Variants in MELK observed in about 807,000 individuals in gnomAD.
The protein encoded by MELK is maternal embryonic leucine zipper kinase.
MELK carries 81 observed loss-of-function variants against 85.0 expected under a neutral mutation model. The observed-to-expected ratio is 0.95, with a 90% CI of 0.80 to 1.15. The LOEUF (loss-of-function observed/expected upper bound fraction) is 1.15, where lower values mean the gene tolerates loss of function less well. Among genes scored for constraint, MELK ranks in the 50% most tolerant of loss-of-function variants. MELK has a pLI of 0.00. For missense variants in MELK, 754 were observed against 777.5 expected, an observed-to-expected ratio of 0.97 and a Z score of 0.36; for synonymous variants, 252 against 265.0, an observed-to-expected ratio of 0.95 and a Z score of 0.48.
intron 12 of MELK, among the ~76,000 whole-genome samples, chr9:36,655,759 T>C (rs935486766): frequency 1.3e-5 from 2 of 152,152 alleles, no homozygotes; most frequent in Non-Finnish European, 2.9e-5. Context: ...AGCTTTAGGA[T>C]TTTTCTCAGC....
intron 8 of MELK, among the ~76,000 whole-genome samples, chr9:36,615,029 C>T (rs1326025314): frequency 1.4e-5 from 2 of 139,882 alleles, no homozygotes; most frequent in African/African-American, 5.7e-5. Flanking sequence ...CAGAGGCGCC[C>T]CTCACCTCCC....
intron 9 of MELK, 30 bp downstream of exon 9, chr9:36,630,397 TA>T (rs1211225585): frequency 6.5e-7 from 1 of 1,540,714 alleles, no homozygotes; most frequent in Non-Finnish European, 8.9e-7. Flanking sequence ...AATAGAAGTC[TA>T]TTGTAATTGT....
chr9:36,647,126 T>C (rs1301919560), intron 11 of MELK, among the ~76,000 whole-genome samples: 1 of 152,180 alleles, frequency 6.6e-6, no homozygotes, highest in Non-Finnish European at 1.5e-5. Flanking sequence ...ATGAAAAAGA[T>C]GCTTTTTTTG....
intron 4 of MELK, among the ~76,000 whole-genome samples, chr9:36,591,885 C>G (rs113951015): frequency 0.029 from 4,439 of 151,974 alleles, 220 homozygotes; most frequent in African/African-American, 0.1. Flanking sequence ...ATGATTGCAC[C>G]ACTGCACTCC....
chr9:36,636,525 A>G (rs1197039840), intron 10 of MELK, among the ~76,000 whole-genome samples: 1 of 152,120 alleles, frequency 6.6e-6, no homozygotes, highest in Non-Finnish European at 1.5e-5. Flanking sequence ...AATTAAAAAA[A>G]AACAGTAATA....
intron 3 of MELK, among the ~76,000 whole-genome samples, chr9:36,588,724 A>G (rs1211461309): frequency 2.6e-5 from 4 of 152,078 alleles, no homozygotes; most frequent in Admixed American, 6.6e-5. Context: ...ACTTGATGAT[A>G]TCTCTAGGCT....
At chr9:36,643,673 G>A (rs1435403662) in intron 11 of MELK, among the ~76,000 whole-genome samples, 1 of 152,082 alleles carries the variant, frequency 6.6e-6, no homozygotes, top group Non-Finnish European at 1.5e-5. Context: ...GGTGGCTCAC[G>A]CCTGTAATCC....
intron 4 of MELK, among the ~76,000 whole-genome samples, chr9:36,593,690 G>A (rs1209156407): frequency 1.3e-5 from 2 of 152,214 alleles, no homozygotes; most frequent in African/African-American, 4.8e-5. Context: ...TGTTGTTGTT[G>A]CTGTTGTTGT....
At chr9:36,589,508 G>A in intron 3 of MELK, 28 bp from the exon 4 acceptor site, 2 of 1,540,680 alleles carry the variant, frequency 1.3e-6, no homozygotes, top group South Asian at 2.2e-5. Context: ...TAAGTTTATT[G>A]CTCATTCCAT....
chr9:36,662,127 A>AT (rs1180055802), intron 13 of MELK, among the ~76,000 whole-genome samples: 8 of 147,614 alleles, frequency 5.4e-5, no homozygotes, highest in Admixed American at 1.3e-4. Context: ...TTATTTCTTG[A>AT]TTTTTTATGT....
Position 36,583,555 on chromosome 9 carries a change from AATT to A in MELK, c.59-66_59-64del, listed in dbSNP as rs564119927. 1,578 of 969,598 alleles carry A rather than the reference AATT, an allele frequency of 1.6e-3. 3 individuals are homozygous for A. Among genetic ancestry groups the A allele is most frequent in the Non-Finnish European group, 2.2e-3 (1,520 of 683,868 alleles). The allele number at this position is 969,598 out of a possible 1,614,324, so 60.1% of individuals were successfully genotyped here. Reference sequence around the variant, plus strand: ...AATTTGGCTTGATAGAGTCTTTTAAAATTATTATATATAAAAAGGTGTTTGTGC... The same window carrying A: ...AATTTGGCTTGATAGAGTCTTTTAAAATTATATATAAAAAGGTGTTTGTGC... On this transcript the variant is annotated intron_variant, in intron 2 of 17. Transcript: ENST00000298048.
At chr9:36,635,539 C>T (rs1829047487) in intron 10 of MELK, among the ~76,000 whole-genome samples, 2 of 152,192 alleles carry the variant, frequency 1.3e-5, no homozygotes, top group South Asian at 4.1e-4. Flanking sequence ...GCTGAGATTA[C>T]AGGCATGAGC....
intron 12 of MELK, among the ~76,000 whole-genome samples, chr9:36,653,874 A>G (rs1294024237): frequency 6.6e-6 from 1 of 151,738 alleles, no homozygotes; most frequent in Non-Finnish European, 1.5e-5. Context: ...TATCTATCTC[A>G]TTTAGATCTC....
intron 10 of MELK, among the ~76,000 whole-genome samples, chr9:36,635,800 T>G: frequency 7.1e-6 from 1 of 141,084 alleles, no homozygotes; most frequent in Non-Finnish European, 1.5e-5. Context: ...AAAAAATGCT[T>G]TTTTTTTTTT....
At chr9:36,613,556 A>C (rs1313618575) in intron 8 of MELK, among the ~76,000 whole-genome samples, 1 of 152,230 alleles carries the variant, frequency 6.6e-6, no homozygotes, top group Non-Finnish European at 1.5e-5. Context: ...GAGTAGGATG[A>C]AGAGGAATCA....
At chr9:36,634,849 T>G (rs1310521751) in intron 10 of MELK, among the ~76,000 whole-genome samples, 1 of 148,886 alleles carries the variant, frequency 6.7e-6, no homozygotes, top group Non-Finnish European at 1.5e-5. Context: ...ATACAAAAAT[T>G]AGCTGGGCGT....
chr9:36,645,283 A>G (rs1053765333), intron 11 of MELK, among the ~76,000 whole-genome samples: 2 of 143,580 alleles, frequency 1.4e-5, no homozygotes, highest in Non-Finnish European at 3.0e-5. Context: ...AAAGTAACAT[A>G]TTTAGAGTTT....
At chr9:36,609,778 T>G (rs188085218) in intron 8 of MELK, among the ~76,000 whole-genome samples, 4 of 152,348 alleles carry the variant, frequency 2.6e-5, no homozygotes, top group African/African-American at 9.6e-5. Flanking sequence ...AATCCAATTC[T>G]GTTTAACAAA....
In MELK at chr9:36,661,806, G is replaced by A. The variant is rs138569640; in HGVS notation, c.1177-3544G>A. On this transcript the variant is annotated intron_variant, in intron 13 of 17. Transcript: ENST00000298048. Reference sequence around the variant, plus strand: ...CAAAAAATTAGCTGGGCATGGTGGCGGGCACCTCTAGTCCCAGTTACTTGG... The same window carrying A: ...CAAAAAATTAGCTGGGCATGGTGGCAGGCACCTCTAGTCCCAGTTACTTGG... 9.2e-3 allele frequency among the ~76,000 whole-genome samples: 1,405 copies of A among 151,934 alleles called. 23 individuals carry two copies. The highest frequency in any genetic ancestry group is 0.03 in the African/African-American group (1,249 of 41,462).
Sources: allele counts gnomAD v4.1 joint callset (sites outside exome capture counted in the v4.1 genomes callset), GRCh38; gene constraint gnomAD v4.1.1; transcripts MANE v1.5; gene names NCBI Gene and HGNC (gene_info 2026-07-23, HGNC 2026-07-21).